The following ERAS variants were observed in gnomAD, a reference collection of about 807,000 sequenced individuals.
ERAS encodes the protein ES cell expressed Ras, also known as GTPase ERas.
For missense variants in ERAS, 137 were observed against 199.2 expected (o/e 0.69, Z 1.88); for synonymous variants, 87 against 89.1 (o/e 0.98, Z 0.13).
chrX:48,826,818 C>A (rs1391144538), intron 1 of ERAS, among the ~76,000 whole-genome samples: 1 of 112,260 alleles, frequency 8.9e-6, no homozygotes, highest in Non-Finnish European at 1.9e-5. Flanking sequence ...CCGAGCTTTG[C>A]ACCTCACCCG....
rs782189012 is a variant in ERAS, at chrX:48,829,664, T to G, written c.541T>G (p.Ser181Ala). The change falls in exon 2 of 2, where the codon TCG (serine) becomes GCG (alanine). Residue 181 changes from serine (S) to alanine (A), a missense_variant. By Grantham distance (99) the Ser-to-Ala change is moderately conservative (BLOSUM62 1). Transcript: ENST00000636362. ...CTGGGGGGCCCACTTCGTGGAGACC[T>G]CGGCCAAAACACGGCAAGGCGTGGA... ...HSWGAHFVET[S>A]AKTRQGVEEA... 1 of 1,210,453 alleles carries G rather than the reference T, an allele frequency of 8.3e-7. No individual in the cohort carries two copies. The highest frequency in any genetic ancestry group is 3.0e-5 in the East Asian group (1 of 33,806).
At chrX:48,827,086 C>T (rs1056833968) in intron 1 of ERAS, among the ~76,000 whole-genome samples, 38 of 112,221 alleles carry the variant, frequency 3.4e-4, no homozygotes, top group Admixed American at 2.8e-3. Context: ...CTCCCGGGAG[C>T]GGAGCCTTGG....
intron 1 of ERAS, among the ~76,000 whole-genome samples, chrX:48,828,021 CTTTTTTT>C (rs150963546): frequency 1.1e-4 from 10 of 89,856 alleles, no homozygotes; most frequent in Admixed American, 2.4e-4. Flanking sequence ...ATATAGTTCA[CTTTTTTT>C]TTTTTTTTTT....
chrX:48,827,043 T>C (rs1401977297), intron 1 of ERAS, among the ~76,000 whole-genome samples: 10 of 112,212 alleles, frequency 8.9e-5, no homozygotes, highest in Non-Finnish European at 1.1e-4. Flanking sequence ...CCCGGGCCAG[T>C]GCCCTCGGCA....
At position 48,829,473 on chromosome X, in the gene ERAS, T is replaced by C; in HGVS notation, c.350T>C (p.Leu117Pro). 2 of 1,211,857 alleles carry C rather than the reference T, an allele frequency of 1.7e-6. No homozygotes were observed. Among genetic ancestry groups the C allele is most frequent in the Non-Finnish European group, 2.2e-6 (2 of 895,358 alleles). Residue 117 changes from leucine (L) to proline (P), a missense_variant, in exon 2 of 2, where the codon CTG (leucine) becomes CCG (proline). Transcript: ENST00000636362. ...DQCLAVCDGV[L>P]GVFALDDPSS... Reference sequence around the variant, plus strand: ...TGCCTGGCTGTCTGTGATGGTGTGCTGGGCGTCTTCGCTCTCGATGACCCC... The same window carrying C: ...TGCCTGGCTGTCTGTGATGGTGTGCCGGGCGTCTTCGCTCTCGATGACCCC...
At position 48,829,508 on chromosome X, in the gene ERAS, A is replaced by T; in HGVS notation, c.385A>T (p.Ile129Phe). Residue 129 changes from isoleucine (I) to phenylalanine (F), a missense_variant, in exon 2 of 2, where the codon ATC becomes TTC. Ile to Phe is a conservative substitution (Grantham distance 21, BLOSUM62 0). Transcript: ENST00000636362. ...VFALDDPSSL[I>F]QLQQIWATWG... is the part of the protein sequence containing the mutation. ...CGCTCTCGATGACCCCTCGTCTCTGATCCAGCTGCAGCAGATATGGGCCAC... is the reference window on the plus strand; with the variant it reads ...CGCTCTCGATGACCCCTCGTCTCTGTTCCAGCTGCAGCAGATATGGGCCAC... 8.3e-7 allele frequency: 1 copy of T among 1,212,078 alleles called. No individual in the cohort carries two copies. Among genetic ancestry groups the T allele is most frequent in the Non-Finnish European group, 1.1e-6 (1 of 895,563 alleles).
rs1557033103 is a variant in ERAS at position 48,829,762 on chromosome X, G to A, written c.639G>A (p.Arg213=). Residue 213 remains arginine, a synonymous_variant, in exon 2 of 2, where the codon AGG becomes AGA. Coordinates refer to ENST00000636362, the MANE Select transcript of ERAS (RefSeq NM_181532.3). ...QEAMAKEPMA[R]SCREKTRHQK... The stretch of plus-strand genomic sequence containing the variant: ...CCATGGCGAAGGAGCCCATGGCAAG[G>A]TCCTGTAGGGAGAAGACCCGGCACC... 1.7e-6 allele frequency: 2 copies of A among 1,189,613 alleles called. No individual in the cohort carries two copies. The highest frequency in any genetic ancestry group is 1.7e-5 in the African/African-American group (1 of 57,455).
chrX:48,828,698 G>A (rs1179254328), intron 1 of ERAS, among the ~76,000 whole-genome samples: 1 of 111,041 alleles, frequency 9.0e-6, no homozygotes, highest in African/African-American at 3.3e-5. Context: ...TGGGCATGGG[G>A]ATTCTTTTCT....
rs920828403 is a variant in ERAS at position 48,827,334 on chromosome X, C to T, written c.-44+785C>T. ...ATGGCCGGGCACCCCTACAGGACCC[C>T]CAGAAGCCGACCTCTCCCTCCACGT... On this transcript the variant is annotated intron_variant, in intron 1 of 1. Transcript: ENST00000636362. 2.3e-4 allele frequency among the ~76,000 whole-genome samples: 26 copies of T among 111,012 alleles called. No homozygotes were observed. The Admixed American group carries it at 2.4e-3, about 10-fold the overall frequency.
intron 1 of ERAS, among the ~76,000 whole-genome samples, chrX:48,828,434 AGTAG>A (rs2063164771): frequency 8.9e-6 from 1 of 112,534 alleles, no homozygotes; most frequent in South Asian, 3.6e-4. Flanking sequence ...CTTGCCACAC[AGTAG>A]GTTCCCAATA....
rs2063167446 is a variant in ERAS at position 48,829,655 on chromosome X, G to A, written c.532G>A (p.Val178Met). Residue 178 changes from valine to methionine, a missense_variant, in exon 2 of 2, where the codon GTG becomes ATG. By Grantham distance (21) the Val-to-Met change is conservative (BLOSUM62 1). Coordinates refer to ENST00000636362, the MANE Select transcript of ERAS (RefSeq NM_181532.3). ...CGCACACAGCTGGGGGGCCCACTTC[G>A]TGGAGACCTCGGCCAAAACACGGCA... ...ALAHSWGAHF[V>M]ETSAKTRQGV... 4 of 1,210,795 alleles carry A rather than the reference G, an allele frequency of 3.3e-6. No homozygotes were observed. The highest frequency in any genetic ancestry group is 3.5e-5 in the South Asian group (2 of 56,712).
Position 48,829,244 on chromosome X carries a change from G to C in ERAS, c.121G>C (p.Glu41Gln), listed in dbSNP as rs1557032983. 3 of 1,202,269 alleles carry C rather than the reference G, an allele frequency of 2.5e-6. No individual in the cohort carries two copies. The highest frequency in any genetic ancestry group is 3.4e-6 in the Non-Finnish European group (3 of 890,769). The change falls in exon 2 of 2, where the codon GAG (glutamate) becomes CAG (glutamine). Residue 41 changes from glutamate (E) to glutamine (Q), a missense_variant. Transcript: ENST00000636362. ...CAGGGATGTTGGCAGGCAGCTGCCT[G>C]AGTACAAGGCTGTGGTGGTGGGCGC... ...RRRDVGRQLP[E>Q]YKAVVVGASG...
Position 48,829,230 on chromosome X carries a change from G to A in ERAS, c.107G>A (p.Gly36Asp), listed in dbSNP as rs1557032981. Reference protein sequence around the residue: ...HRAQARRRDVGRQLPEYKAVV... With the variant: ...HRAQARRRDVDRQLPEYKAVV... ...GCTCAGGCACGCCGCAGGGATGTTG[G>A]CAGGCAGCTGCCTGAGTACAAGGCT... The change falls in exon 2 of 2, where the codon GGC becomes GAC. Residue 36 changes from glycine (G) to aspartate (D), a missense_variant. Transcript: ENST00000636362. 2.5e-6 allele frequency: 3 copies of A among 1,194,181 alleles called. No homozygotes were observed. Among genetic ancestry groups the A allele is most frequent in the Non-Finnish European group, 3.4e-6 (3 of 885,705 alleles).
chrX:48,827,153 C>G (rs1044310466), intron 1 of ERAS, among the ~76,000 whole-genome samples: 13 of 110,708 alleles, frequency 1.2e-4, no homozygotes. Context: ...GTGGCCCCGT[C>G]CCGCCAGGCA....
chrX:48,828,563 A>G (rs1233703109), intron 1 of ERAS, among the ~76,000 whole-genome samples: 1 of 111,755 alleles, frequency 8.9e-6, no homozygotes, highest in East Asian at 2.8e-4. Flanking sequence ...TTTAGAACAT[A>G]AACCTTCTGG....
chrX:48,828,048 G>C (rs2063163859), intron 1 of ERAS, among the ~76,000 whole-genome samples: 1 of 92,442 alleles, frequency 1.1e-5, no homozygotes. Flanking sequence ...TTTTTGAGAC[G>C]GAGTTTTGCT....
intron 1 of ERAS, among the ~76,000 whole-genome samples, chrX:48,827,820 G>C: frequency 9.0e-6 from 1 of 111,404 alleles, no homozygotes. Context: ...TCCTTATCTT[G>C]TTACTGTCTC....
Position 48,829,859 on chromosome X carries a change from G to A in ERAS, c.*34G>A. 9.3e-7 allele frequency: 1 copy of A among 1,071,297 alleles called. No homozygotes were observed. Among genetic ancestry groups the A allele is most frequent in the South Asian group, 2.4e-5 (1 of 42,145 alleles). The allele number at this position is 1,071,297 out of a possible 1,213,427, so 88.3% of individuals were successfully genotyped here. On this transcript the variant is annotated 3_prime_UTR_variant, in exon 2 of 2. Transcript: ENST00000636362. ...GCCAAGAAATGTAGACCTTTCCCCA[G>A]GCCAGGGTGATTGTTCATTTGACAT... is the stretch of plus-strand genomic sequence containing the variant.
intron 1 of ERAS, among the ~76,000 whole-genome samples, chrX:48,827,717 A>C (rs1478227755): frequency 8.9e-6 from 1 of 111,840 alleles, no homozygotes; most frequent in Non-Finnish European, 1.9e-5. Context: ...ACCGAGGGGC[A>C]TTCACTGAGT....
Sources: allele counts gnomAD v4.1 joint callset (sites outside exome capture counted in the v4.1 genomes callset), GRCh38; gene constraint gnomAD v4.1.1; transcripts MANE v1.5; gene names NCBI Gene and HGNC (gene_info 2026-07-23, HGNC 2026-07-21).